Variants in GPRC6A observed in about 807,000 individuals in gnomAD.
GPRC6A encodes the protein G protein-coupled receptor class C group 6 member A.
In GPRC6A, 54 loss-of-function variants were observed where a neutral mutation model predicts 47.0. That is an observed-to-expected ratio of 1.15 (90% CI 0.92 to 1.44). The LOEUF is 1.44. Among genes scored for constraint, GPRC6A ranks in the 40% most tolerant of loss-of-function variants. GPRC6A has a pLI of 0.00. For synonymous variants in GPRC6A, 347 were observed against 377.1 expected (o/e 0.92, Z 0.93); for missense variants, 1,112 against 1,105.5 (o/e 1.01, Z -0.08).
chr6:116,815,728 C>A (rs562942515), intron 1 of GPRC6A, among the ~76,000 whole-genome samples: 2 of 152,056 alleles, frequency 1.3e-5, no homozygotes, highest in East Asian at 1.9e-4. Context: ...GGAAACTATA[C>A]AAATCAGCAG....
intron 1 of GPRC6A, among the ~76,000 whole-genome samples, chr6:116,815,941 G>A (rs1325950330): frequency 6.6e-6 from 1 of 152,240 alleles, no homozygotes; most frequent in East Asian, 1.9e-4. Flanking sequence ...TGTACTGGAA[G>A]CATAATGCTG....
At position 116,829,044 on chromosome 6, in the gene GPRC6A, G is replaced by T; in HGVS notation, c.-31C>A. On this transcript the variant is annotated 5_prime_UTR_variant, in exon 1 of 6. Transcript: ENST00000310357. Reference sequence around the variant, plus strand: ...TATCTCATTTGCTCAGTTCATGTGAGTTCTTAGGAATCATTAAGTGCACGG... The same window carrying T: ...TATCTCATTTGCTCAGTTCATGTGATTTCTTAGGAATCATTAAGTGCACGG... The T allele has an allele frequency of 1.3e-6, 2 of 1,575,900 alleles. No individual in the cohort carries two copies. Among genetic ancestry groups the T allele is most frequent in the South Asian group, 1.2e-5 (1 of 83,920 alleles).
intron 1 of GPRC6A, among the ~76,000 whole-genome samples, chr6:116,826,347 A>G (rs1176325478): frequency 6.6e-6 from 1 of 151,920 alleles, no homozygotes; most frequent in Non-Finnish European, 1.5e-5. Context: ...ACAATAAAAA[A>G]GCAAAATCTC....
intron 1 of GPRC6A, among the ~76,000 whole-genome samples, chr6:116,811,693 T>A (rs1361802582): frequency 6.6e-6 from 1 of 152,238 alleles, no homozygotes; most frequent in East Asian, 1.9e-4. Context: ...ATTCTGCAAC[T>A]GAACAATTCA....
Position 116,793,193 on chromosome 6 carries a change from G to A in GPRC6A, c.1730C>T (p.Thr577Ile). The change falls in exon 6 of 6, where the codon ACT (threonine) becomes ATT (isoleucine). Residue 577 changes from threonine (T) to isoleucine (I), a missense_variant. By Grantham distance (89) the Thr-to-Ile change is moderately conservative (BLOSUM62 -1). Transcript: ENST00000310357. The stretch of plus-strand genomic sequence containing the variant: ...TTCCACTTCCTTTTCAAAGCACATA[G>A]TGCTCCTAACAGGGGCCCAGTGAGT... ...NKTHWAPVRS[T>I]MCFEKEVEYL... The A allele has an allele frequency of 6.2e-7, 1 of 1,612,222 alleles. No individual in the cohort carries two copies. The highest frequency in any genetic ancestry group is 8.5e-7 in the Non-Finnish European group (1 of 1,178,958).
intron 1 of GPRC6A, among the ~76,000 whole-genome samples, chr6:116,823,177 A>G (rs1226600789): frequency 1.3e-5 from 2 of 152,038 alleles, no homozygotes; most frequent in Admixed American, 6.6e-5. Flanking sequence ...CTTCTGTTTT[A>G]AATATAAGTT....
chr6:116,814,668 G>A (rs1050935166), intron 1 of GPRC6A, among the ~76,000 whole-genome samples: 3 of 151,802 alleles, frequency 2.0e-5, no homozygotes, highest in South Asian at 2.1e-4. Flanking sequence ...TGAGTTCGTG[G>A]GTGCAGCAAA....
At chr6:116,816,263 A>C (rs1773202472) in intron 1 of GPRC6A, among the ~76,000 whole-genome samples, 1 of 152,190 alleles carries the variant, frequency 6.6e-6, no homozygotes, top group African/African-American at 2.4e-5. Flanking sequence ...AAATAAGTTA[A>C]TTACTTCTAA....
chr6:116,807,681 G>T (rs80275694), intron 2 of GPRC6A, among the ~76,000 whole-genome samples: 1 of 152,096 alleles, frequency 6.6e-6, no homozygotes, highest in African/African-American at 2.4e-5. Flanking sequence ...TGTAAAGAAC[G>T]AGATATAAAA....
rs1358525983 is a variant in GPRC6A, at chr6:116,818,342, G to A, written c.195-8725C>T. Among the ~76,000 whole-genome samples, 791 of 150,162 alleles carry A rather than the reference G, an allele frequency of 5.3e-3. 11 individuals are homozygous for A. Among genetic ancestry groups the A allele is most frequent in the African/African-American group, 0.018 (739 of 41,070 alleles). On this transcript the variant is annotated intron_variant, in intron 1 of 5. Coordinates refer to ENST00000310357, the MANE Select transcript of GPRC6A (RefSeq NM_148963.4). ...GAGGTCAGGAGATCGAGACCATCCC[G>A]GCTAACACGGTGAAACCCTGTCTCT...
At chr6:116,796,857 C>A (rs1772503453) in intron 4 of GPRC6A, among the ~76,000 whole-genome samples, 1 of 152,066 alleles carries the variant, frequency 6.6e-6, no homozygotes, top group South Asian at 2.1e-4. Context: ...GGAGGGTGCT[C>A]AGAGGACACA....
intron 1 of GPRC6A, among the ~76,000 whole-genome samples, chr6:116,826,300 A>G (rs566542345): frequency 3.3e-5 from 5 of 151,894 alleles, no homozygotes; most frequent in Non-Finnish European, 7.4e-5. Context: ...CCAACAACAG[A>G]CTAATATCCA....
At position 116,792,979 on chromosome 6, in the gene GPRC6A, G is replaced by C; in HGVS notation, c.1944C>G (p.Ser648Arg). The C allele has an allele frequency of 1.9e-6, 3 of 1,614,080 alleles. No homozygotes were observed. The highest frequency in any genetic ancestry group is 2.5e-6 in the Non-Finnish European group (3 of 1,179,986). ...LCHFLNFAST[S>R]FFIGEPQDFT... is the part of the protein sequence containing the mutation. ...AGTCTTGTGGTTCTCCAATGAAAAAGCTCGTGCTGGCAAAATTGAGGAAAT... is the reference window on the plus strand; with the variant it reads ...AGTCTTGTGGTTCTCCAATGAAAAACCTCGTGCTGGCAAAATTGAGGAAAT... The change falls in exon 6 of 6, where the codon AGC (serine) becomes AGG (arginine). Residue 648 changes from serine (S) to arginine (R), a missense_variant. Physicochemically the swap from Ser to Arg is moderately radical, Grantham distance 110. Transcript: ENST00000310357.
chr6:116,810,875 T>A (rs545732716), intron 1 of GPRC6A, among the ~76,000 whole-genome samples: 14 of 152,264 alleles, frequency 9.2e-5, no homozygotes, highest in Admixed American at 8.5e-4. Flanking sequence ...AGGGTCATCC[T>A]GTCACTGCCG....
chr6:116,816,865 G>A (rs577905965), intron 1 of GPRC6A, among the ~76,000 whole-genome samples: 30 of 151,618 alleles, frequency 2.0e-4, no homozygotes, highest in Admixed American at 2.6e-4. Flanking sequence ...ATTATATCCC[G>A]CACCTGGCTC....
chr6:116,816,195 T>C (rs1773199919), intron 1 of GPRC6A, among the ~76,000 whole-genome samples: 1 of 152,192 alleles, frequency 6.6e-6, no homozygotes, highest in Non-Finnish European at 1.5e-5. Context: ...AACTCAAAAG[T>C]CCGAAGTCCA....
At chr6:116,813,184 A>C (rs1172578169) in intron 1 of GPRC6A, among the ~76,000 whole-genome samples, 2 of 152,214 alleles carry the variant, frequency 1.3e-5, no homozygotes, top group Non-Finnish European at 2.9e-5. Flanking sequence ...CATACTACCC[A>C]AGGTAATTTA....
chr6:116,800,823 C>T (rs995480110), intron 3 of GPRC6A, 27 bp from the exon 4 acceptor site: 1 of 1,392,102 alleles, frequency 7.2e-7, no homozygotes, highest in African/African-American at 1.4e-5. Flanking sequence ...CAGAGATAAG[C>T]ACTTAATATA....
intron 1 of GPRC6A, among the ~76,000 whole-genome samples, chr6:116,814,313 A>T (rs1486598909): frequency 6.6e-6 from 1 of 152,218 alleles, no homozygotes; most frequent in African/African-American, 2.4e-5. Flanking sequence ...ACATATGTTT[A>T]TTGTGGCACT....
Sources: allele counts gnomAD v4.1 joint callset (sites outside exome capture counted in the v4.1 genomes callset), GRCh38; gene constraint gnomAD v4.1.1; transcripts MANE v1.5; gene names NCBI Gene and HGNC (gene_info 2026-07-23, HGNC 2026-07-21).